The following CA10 variants were observed in gnomAD, a reference collection of about 807,000 sequenced individuals.
The protein encoded by CA10 is carbonic anhydrase-related protein 10.
In CA10, 14 loss-of-function variants were observed where a neutral mutation model predicts 44.2. That is an observed-to-expected ratio of 0.32 (90% confidence interval 0.21 to 0.50). CA10 has a LOEUF of 0.50. Among genes scored for constraint, CA10 ranks in the 20% least tolerant of loss-of-function variants. The pLI is 0.99. For synonymous variants in CA10, 159 were observed against 141.6 expected (o/e 1.12, Z -0.87); for missense variants, 350 against 409.7 (o/e 0.85, Z 1.26).
chr17:51,733,607 G>A (rs1916795122), intron 4 of CA10, among the ~76,000 whole-genome samples: 1 of 152,210 alleles, frequency 6.6e-6, no homozygotes, highest in Non-Finnish European at 1.5e-5. Flanking sequence ...TTGTAGGATT[G>A]AGTGTTTGGA....
At chr17:51,746,260 C>T (rs938831628) in intron 4 of CA10, among the ~76,000 whole-genome samples, 2 of 152,200 alleles carry the variant, frequency 1.3e-5, no homozygotes, top group African/African-American at 4.8e-5. Flanking sequence ...CCCTCATTTC[C>T]TGCTTTGTCA....
intron 3 of CA10, among the ~76,000 whole-genome samples, chr17:51,847,195 A>G (rs781017850): frequency 6.6e-6 from 1 of 152,200 alleles, no homozygotes; most frequent in African/African-American, 2.4e-5. Flanking sequence ...TGTGGTTCCA[A>G]ATAATTTTGT....
At position 51,904,312 on chromosome 17, in the gene CA10, G is replaced by A. The variant is rs533959754; in HGVS notation, c.279+26678C>T. Among the ~76,000 whole-genome samples the A allele has an allele frequency of 9.2e-5, 14 of 152,152 alleles. No individual in the cohort carries two copies. The South Asian group carries it at 2.7e-3, about 29-fold the overall frequency. On this transcript the variant is annotated intron_variant, in intron 3 of 8. Transcript: ENST00000451037. The stretch of plus-strand genomic sequence containing the variant: ...GAGGAATGAGGCTGCCTGCTTACAG[G>A]AATATCAGAGATCTTTCTAATTCCT...
intron 2 of CA10, among the ~76,000 whole-genome samples, chr17:51,959,431 T>G (rs1217890195): frequency 6.6e-6 from 1 of 151,862 alleles, no homozygotes; most frequent in East Asian, 1.9e-4. Flanking sequence ...CCTAAAGCCC[T>G]GCCATTTATG....
intron 3 of CA10, among the ~76,000 whole-genome samples, chr17:51,788,247 G>T (rs892004316): frequency 3.0e-4 from 45 of 151,980 alleles, no homozygotes; most frequent in Non-Finnish European, 7.4e-5. Flanking sequence ...CCATGTATTT[G>T]TTTAGTTTCT....
At chr17:51,881,860 C>A (rs1208271439) in intron 3 of CA10, among the ~76,000 whole-genome samples, 1 of 152,128 alleles carries the variant, frequency 6.6e-6, no homozygotes, top group African/African-American at 2.4e-5. Flanking sequence ...ATAGGCAGAA[C>A]CCATCTAAAC....
intron 2 of CA10, among the ~76,000 whole-genome samples, chr17:51,966,253 G>A (rs6504754): frequency 0.87 from 131,880 of 151,954 alleles, 57,975 homozygotes; most frequent in East Asian, 0.95. Flanking sequence ...CAAATTGGAA[G>A]GATCAATATT....
chr17:52,073,492 T>A (rs2143142727), intron 1 of CA10, among the ~76,000 whole-genome samples: 1 of 152,306 alleles, frequency 6.6e-6, no homozygotes, highest in South Asian at 2.1e-4. Flanking sequence ...GAAGGAGATT[T>A]TCTGACATAG....
At chr17:51,672,933 A>G (rs1914480378) in intron 4 of CA10, among the ~76,000 whole-genome samples, 1 of 152,036 alleles carries the variant, frequency 6.6e-6, no homozygotes. Flanking sequence ...GCAGGAGGGG[A>G]GACTTGGAAG....
At chr17:51,713,125 G>A (rs901032591) in intron 4 of CA10, among the ~76,000 whole-genome samples, 1 of 152,166 alleles carries the variant, frequency 6.6e-6, no homozygotes, top group South Asian at 2.1e-4. Flanking sequence ...TTCTTCAATC[G>A]GGTAACTTCC....
intron 1 of CA10, among the ~76,000 whole-genome samples, chr17:52,128,885 G>C (rs1170231522): frequency 1.3e-5 from 2 of 152,080 alleles, no homozygotes; most frequent in African/African-American, 4.8e-5. Flanking sequence ...ACTATCTTTT[G>C]AATCACCTTC....
At chr17:51,659,494 T>C (rs1489770277) in intron 4 of CA10, among the ~76,000 whole-genome samples, 6 of 152,234 alleles carry the variant, frequency 3.9e-5, no homozygotes, top group Admixed American at 6.5e-5. Flanking sequence ...TCTGTTTGTC[T>C]GGAGAACCCT....
chr17:51,816,809 T>C (rs1398543319), intron 3 of CA10, among the ~76,000 whole-genome samples: 1 of 152,052 alleles, frequency 6.6e-6, no homozygotes, highest in Non-Finnish European at 1.5e-5. Context: ...CAGAGAAGGG[T>C]CCATAGCCAC....
intron 3 of CA10, among the ~76,000 whole-genome samples, chr17:51,919,537 G>C (rs1468780621): frequency 2.6e-5 from 4 of 152,184 alleles, no homozygotes; most frequent in Non-Finnish European, 5.9e-5. Flanking sequence ...CCCATGTTTA[G>C]ATGGATGGTA....
chr17:52,032,141 T>A (rs1233114472), intron 2 of CA10, among the ~76,000 whole-genome samples: 1 of 152,206 alleles, frequency 6.6e-6, no homozygotes, highest in East Asian at 1.9e-4. Context: ...GCCCAGTGAA[T>A]GCTTTAAATC....
At chr17:52,040,547 A>G (rs900523477) in intron 2 of CA10, among the ~76,000 whole-genome samples, 2 of 152,062 alleles carry the variant, frequency 1.3e-5, no homozygotes, top group Non-Finnish European at 2.9e-5. Context: ...TAGATACATA[A>G]AAAGTGGTTT....
chr17:51,756,068 T>A (rs2143625836), intron 3 of CA10, among the ~76,000 whole-genome samples: 1 of 152,240 alleles, frequency 6.6e-6, no homozygotes, highest in South Asian at 2.1e-4. Context: ...CAGCAGATTT[T>A]TTTTTTTTTT....
At chr17:51,846,789 T>A (rs981153878) in intron 3 of CA10, among the ~76,000 whole-genome samples, 4 of 152,216 alleles carry the variant, frequency 2.6e-5, no homozygotes, top group African/African-American at 7.2e-5. Flanking sequence ...GGCTGATTTG[T>A]GTCTGTGCTG....
intron 3 of CA10, among the ~76,000 whole-genome samples, chr17:51,822,276 G>T (rs1212384531): frequency 3.3e-5 from 5 of 151,980 alleles, no homozygotes; most frequent in Admixed American, 2.0e-4. Flanking sequence ...AAATTAGCTG[G>T]GTGTGGTGGC....
Sources: allele counts gnomAD v4.1 joint callset (sites outside exome capture counted in the v4.1 genomes callset), GRCh38; gene constraint gnomAD v4.1.1; transcripts MANE v1.5; gene names NCBI Gene and HGNC (gene_info 2026-07-23, HGNC 2026-07-21).